Variants in PDE1A observed in about 807,000 individuals in gnomAD.
PDE1A encodes phosphodiesterase 1A, also known as dual specificity calcium/calmodulin-dependent 3',5'-cyclic nucleotide phosphodiesterase 1A.
A neutral mutation model predicts 61.7 loss-of-function variants in PDE1A; 35 were observed. The observed-to-expected ratio is 0.57, with a 90% CI of 0.43 to 0.75. The LOEUF (loss-of-function observed/expected upper bound fraction) is 0.75, where lower values mean the gene tolerates loss of function less well. PDE1A is among the 30% of genes least tolerant of loss of function. PDE1A has a pLI of 0.00. For missense variants in PDE1A, 597 were observed against 630.6 expected (o/e 0.95, Z 0.57); for synonymous variants, 232 against 213.2 (o/e 1.09, Z -0.77).
upstream of PDE1A, among the ~76,000 whole-genome samples, chr2:182,524,257 G>A (rs1305318500): frequency 2.6e-5 from 4 of 152,050 alleles, no homozygotes; most frequent in Non-Finnish European, 4.4e-5. Context: ...AAGAAATATT[G>A]CAGCCAAAAA....
At chr2:182,551,437 A>G in the PDE1A span, among the ~76,000 whole-genome samples, 2 of 152,192 alleles carry the variant, frequency 1.3e-5, no homozygotes, top group Non-Finnish European at 2.9e-5. Flanking sequence ...AGAGAAAAGC[A>G]GTGGGTGTCG....
chr2:182,265,772 C>T (rs1293367202), intron 1 of PDE1A, among the ~76,000 whole-genome samples: 1 of 152,172 alleles, frequency 6.6e-6, no homozygotes. Context: ...ACAAAAGGAA[C>T]ATATTCCTTA....
At chr2:182,673,082 G>T in the PDE1A span, among the ~76,000 whole-genome samples, 1 of 152,112 alleles carries the variant, frequency 6.6e-6, no homozygotes, top group Non-Finnish European at 1.5e-5. Context: ...ACAGAAAAAG[G>T]GTCCTCACAT....
intron 1 of PDE1A, among the ~76,000 whole-genome samples, chr2:182,332,961 C>T (rs1021329747): frequency 5.3e-5 from 8 of 152,056 alleles, no homozygotes; most frequent in African/African-American, 1.4e-4. Flanking sequence ...TTTAAGCCAA[C>T]AAATATCAGC....
chr2:182,570,487 C>G, the PDE1A span, among the ~76,000 whole-genome samples: 1 of 152,100 alleles, frequency 6.6e-6, no homozygotes. Flanking sequence ...GTTCTTCACT[C>G]AGGTCTTTAC....
intron 1 of PDE1A, among the ~76,000 whole-genome samples, chr2:182,353,712 G>A (rs1699020479): frequency 6.6e-6 from 1 of 152,044 alleles, no homozygotes; most frequent in Non-Finnish European, 1.5e-5. Context: ...AATTCTGTGA[G>A]ATCGAGCACA....
chr2:182,305,654 ATTAG>A (rs1695531986), intron 1 of PDE1A, among the ~76,000 whole-genome samples: 3 of 152,154 alleles, frequency 2.0e-5, no homozygotes, highest in African/African-American at 7.2e-5. Flanking sequence ...GTTGCTAAGC[ATTAG>A]AATTTCAAAA....
intron 6 of PDE1A, among the ~76,000 whole-genome samples, chr2:182,229,024 A>C (rs547705354): frequency 1.3e-5 from 2 of 152,172 alleles, no homozygotes; most frequent in African/African-American, 2.4e-5. Flanking sequence ...ATTTGGTCCC[A>C]TAACAGTCTT....
At chr2:182,560,715 TC>T in the PDE1A span, among the ~76,000 whole-genome samples, 2 of 152,112 alleles carry the variant, frequency 1.3e-5, no homozygotes, top group African/African-American at 4.8e-5. Flanking sequence ...CCACATCCTC[TC>T]CAGCATCTGT....
intron 1 of PDE1A, among the ~76,000 whole-genome samples, chr2:182,371,493 A>C (rs1390010905): frequency 6.6e-6 from 1 of 152,204 alleles, no homozygotes. Flanking sequence ...TCCCAATAAA[A>C]GTACAAGCAG....
chr2:182,395,582 C>T (rs1414301680), intron 1 of PDE1A, among the ~76,000 whole-genome samples: 1 of 152,198 alleles, frequency 6.6e-6, no homozygotes, highest in Non-Finnish European at 1.5e-5. Flanking sequence ...ACACATTCCT[C>T]ATTTGGGTGT....
chr2:182,597,388 G>T, the PDE1A span, among the ~76,000 whole-genome samples: 2 of 152,146 alleles, frequency 1.3e-5, no homozygotes, highest in Non-Finnish European at 1.5e-5. Context: ...TATCTGAATG[G>T]TGCATGTGAA....
intron 2 of PDE1A, among the ~76,000 whole-genome samples, chr2:182,477,843 T>C (rs1305074572): frequency 6.6e-6 from 1 of 151,964 alleles, no homozygotes; most frequent in Non-Finnish European, 1.5e-5. Context: ...AGCTGTATGA[T>C]ATAGCTCACA....
the PDE1A span, among the ~76,000 whole-genome samples, chr2:182,605,749 GTC>G: frequency 3.3e-5 from 5 of 152,194 alleles, no homozygotes; most frequent in Admixed American, 3.3e-4. Flanking sequence ...GTCAAATTGT[GTC>G]TCTGAGTATT....
At chr2:182,639,679 G>T in the PDE1A span, among the ~76,000 whole-genome samples, 1 of 151,936 alleles carries the variant, frequency 6.6e-6, no homozygotes, top group Non-Finnish European at 1.5e-5. Context: ...CCAAAAAGAA[G>T]AGTAAGCAAC....
chr2:182,692,029 T>C, the PDE1A span, among the ~76,000 whole-genome samples: 8 of 152,090 alleles, frequency 5.3e-5, no homozygotes, highest in Non-Finnish European at 1.0e-4. Context: ...AAACAACAGG[T>C]GCTGGAGAGG....
At chr2:182,244,926 G>A (rs1690837555) in intron 2 of PDE1A, among the ~76,000 whole-genome samples, 1 of 152,114 alleles carries the variant, frequency 6.6e-6, no homozygotes, top group African/African-American at 2.4e-5. Context: ...AGTAGCTGCA[G>A]GTCTGTTTCT....
At chr2:182,362,082 G>A (rs959791736) in intron 1 of PDE1A, among the ~76,000 whole-genome samples, 7 of 152,044 alleles carry the variant, frequency 4.6e-5, no homozygotes, top group African/African-American at 1.4e-4. Context: ...GGTTGGTGAG[G>A]TGAGTTGAGA....
the PDE1A span, among the ~76,000 whole-genome samples, chr2:182,701,711 A>G: frequency 6.6e-6 from 1 of 152,194 alleles, no homozygotes; most frequent in East Asian, 1.9e-4. Flanking sequence ...CCAAATGACT[A>G]AAGTACCAGA....
Sources: gnomAD v4.1 joint callset for allele counts (sites outside exome capture counted in the v4.1 genomes callset) on GRCh38, gnomAD v4.1.1 for gene constraint, MANE v1.5 for transcripts, NCBI Gene and HGNC (gene_info 2026-07-23, HGNC 2026-07-21) for gene names.